Variants in CLYBL observed in about 807,000 individuals in gnomAD.
CLYBL encodes the protein citramalyl-CoA lyase, mitochondrial.
In CLYBL, 31 loss-of-function variants were observed where a neutral mutation model predicts 38.9. That is an observed-to-expected ratio of 0.80 (90% CI 0.60 to 1.08). The LOEUF is 1.08. CLYBL is among the 50% of genes least tolerant of loss of function. The pLI is 0.00. For synonymous variants in CLYBL, 171 were observed against 158.6 expected, an observed-to-expected ratio of 1.08 and a Z score of -0.59; for missense variants, 434 against 411.6, an observed-to-expected ratio of 1.05 and a Z score of -0.47.
intron 1 of CLYBL, among the ~76,000 whole-genome samples, chr13:99,753,406 G>C (rs2139644379): frequency 6.6e-6 from 1 of 152,308 alleles, no homozygotes; most frequent in Non-Finnish European, 1.5e-5. Flanking sequence ...CGGGAGTAAG[G>C]TGGTGGTGTC....
intron 1 of CLYBL, among the ~76,000 whole-genome samples, chr13:99,654,470 A>C (rs899813982): frequency 2.0e-5 from 3 of 152,148 alleles, no homozygotes; most frequent in Non-Finnish European, 4.4e-5. Flanking sequence ...GCTCCAACCC[A>C]AATCTTCTTC....
intron 1 of CLYBL, 42 bp downstream of exon 1, chr13:99,606,799 G>T: frequency 1.5e-6 from 2 of 1,353,550 alleles, no homozygotes; most frequent in South Asian, 1.8e-5. Flanking sequence ...GGCCCGGCTC[G>T]CCGCGGGTCG....
intron 1 of CLYBL, among the ~76,000 whole-genome samples, chr13:99,723,013 C>T (rs955946351): frequency 6.6e-6 from 1 of 152,246 alleles, no homozygotes; most frequent in African/African-American, 2.4e-5. Context: ...TTATTGATGC[C>T]ATGCCCTGTT....
chr13:99,654,248 C>G (rs1223020812), intron 1 of CLYBL, among the ~76,000 whole-genome samples: 2 of 152,202 alleles, frequency 1.3e-5, no homozygotes, highest in African/African-American at 4.8e-5. Flanking sequence ...CCATGGACCT[C>G]TCCCTGGGTC....
intron 3 of CLYBL, 146 bp downstream of exon 3, chr13:99,859,195 CGTTTCT>C (rs2051537692): frequency 3.3e-6 from 2 of 608,762 alleles, no homozygotes; most frequent in East Asian, 6.0e-5. Context: ...CTCAAGTATC[CGTTTCT>C]TTTACACAAG....
At chr13:99,863,806 C>T (rs979296341) in intron 4 of CLYBL, among the ~76,000 whole-genome samples, 4 of 152,128 alleles carry the variant, frequency 2.6e-5, no homozygotes, top group Non-Finnish European at 4.4e-5. Flanking sequence ...TTTCAGAGTT[C>T]CTAGATTCCC....
At chr13:99,851,291 C>T (rs747371492) in intron 2 of CLYBL, among the ~76,000 whole-genome samples, 8 of 140,334 alleles carry the variant, frequency 5.7e-5, no homozygotes, top group Admixed American at 2.4e-4. Context: ...CACTTGAGTA[C>T]GGGAGGCGGA....
intron 2 of CLYBL, among the ~76,000 whole-genome samples, chr13:99,773,424 T>C (rs1439128907): frequency 1.3e-5 from 2 of 152,102 alleles, no homozygotes; most frequent in Non-Finnish European, 2.9e-5. Context: ...GAACAAGCAT[T>C]ATGGCCTAAG....
At chr13:99,896,139 G>C (rs2052575087), downstream of CLYBL, 1 of 151,404 alleles carries the variant, frequency 6.6e-6, no homozygotes, top group South Asian at 2.1e-4. Flanking sequence ...CGGCCCAGGA[G>C]GCCTGGACTG....
chr13:99,676,578 C>CTG, intron 1 of CLYBL, among the ~76,000 whole-genome samples: 1 of 151,446 alleles, frequency 6.6e-6, no homozygotes, highest in African/African-American at 2.4e-5. Context: ...GCATGAGCCA[C>CTG]CACACCCAGC....
intron 2 of CLYBL, among the ~76,000 whole-genome samples, chr13:99,828,438 C>T (rs2050740675): frequency 6.6e-6 from 1 of 152,186 alleles, no homozygotes. Flanking sequence ...TTGGGCCTCT[C>T]ATCAAATTGC....
chr13:99,716,787 C>CTTTT (rs1260332084), intron 1 of CLYBL, among the ~76,000 whole-genome samples: 1,685 of 100,822 alleles, frequency 0.017, 77 homozygotes, highest in African/African-American at 0.059. Flanking sequence ...CTTTTCTTTT[C>CTTTT]TTTTTTTTTT....
chr13:99,764,300 G>C (rs1422814333), intron 1 of CLYBL, among the ~76,000 whole-genome samples: 1 of 151,920 alleles, frequency 6.6e-6, no homozygotes, highest in Non-Finnish European at 1.5e-5. Flanking sequence ...TTTTTTTGAA[G>C]AATTTGCGTA....
intron 1 of CLYBL, among the ~76,000 whole-genome samples, chr13:99,693,777 G>C (rs2047941374): frequency 6.6e-6 from 1 of 152,148 alleles, no homozygotes; most frequent in Non-Finnish European, 1.5e-5. Flanking sequence ...CATTGTGCAG[G>C]AGGTTTAAGA....
chr13:99,692,024 T>C (rs926035850), intron 1 of CLYBL, among the ~76,000 whole-genome samples: 3 of 152,210 alleles, frequency 2.0e-5, no homozygotes, highest in Non-Finnish European at 2.9e-5. Context: ...AGAAACTCAG[T>C]GTACATCCTT....
chr13:99,749,496 G>C (rs1203193018), intron 1 of CLYBL, among the ~76,000 whole-genome samples: 3 of 152,130 alleles, frequency 2.0e-5, no homozygotes, highest in Non-Finnish European at 4.4e-5. Context: ...CCAGAAGGCT[G>C]GCCTAGGAGT....
intron 2 of CLYBL, among the ~76,000 whole-genome samples, chr13:99,818,612 T>C (rs1457150387): frequency 3.3e-5 from 5 of 152,214 alleles, no homozygotes; most frequent in African/African-American, 9.6e-5. Context: ...AGCTGAAATG[T>C]GTTGCGAAGT....
chr13:99,772,830 G>T lies in CLYBL; in HGVS notation c.69G>T (p.Ala23=), dbSNP rs758550272. ...CCAATCACGTGTCTTGCAGGAAAGC[G>T]TCTCTAGCAGCTGATATCCCCAGAC... ...AAAAALLRLK[A]SLAADIPRLG... Residue 23 remains alanine (A), a synonymous_variant, in exon 2 of 9, where the codon GCG becomes GCT. Coordinates refer to ENST00000339105, the MANE Select transcript of CLYBL (RefSeq NM_206808.5). 2.5e-6 allele frequency: 4 copies of T among 1,593,630 alleles called. No individual in the cohort carries two copies. Among genetic ancestry groups the T allele is most frequent in the Non-Finnish European group, 3.4e-6 (4 of 1,174,814 alleles).
chr13:99,774,648 T>C (rs1480871794), intron 2 of CLYBL, among the ~76,000 whole-genome samples: 2 of 152,166 alleles, frequency 1.3e-5, no homozygotes, highest in African/African-American at 2.4e-5. Flanking sequence ...CTAGCAAATA[T>C]TTGCCTTAAT....
Sources: gnomAD v4.1 joint callset for allele counts (sites outside exome capture counted in the v4.1 genomes callset) on GRCh38, gnomAD v4.1.1 for gene constraint, MANE v1.5 for transcripts, NCBI Gene and HGNC (gene_info 2026-07-23, HGNC 2026-07-21) for gene names.